GRIA4: variants seen among roughly 807,000 people sequenced by gnomAD.
GRIA4 encodes glutamate ionotropic receptor AMPA type subunit 4, also known as glutamate receptor 4.
Under a neutral mutation model 104.0 loss-of-function variants are expected in GRIA4, and 34 were observed. The observed-to-expected ratio is 0.33, with a 90% CI of 0.25 to 0.44. GRIA4 has a LOEUF of 0.44. Among genes scored for constraint, GRIA4 ranks in the 20% least tolerant of loss-of-function variants. The pLI, the probability that GRIA4 is intolerant of heterozygous loss-of-function variation, is 1.00. For missense variants in GRIA4, 750 were observed against 1,096.5 expected (o/e 0.68, Z 4.46); for synonymous variants, 386 against 381.9 (o/e 1.01, Z -0.13).
intron 3 of GRIA4, among the ~76,000 whole-genome samples, chr11:105,665,320 T>C (rs1018217122): frequency 2.0e-5 from 3 of 152,034 alleles, no homozygotes; most frequent in Non-Finnish European, 4.4e-5. Context: ...TTATGAGAAA[T>C]ATACTTTTAT....
At chr11:105,661,238 A>G (rs1951999496) in intron 3 of GRIA4, among the ~76,000 whole-genome samples, 1 of 151,648 alleles carries the variant, frequency 6.6e-6, no homozygotes, top group Non-Finnish European at 1.5e-5. Context: ...AGTTGTATTT[A>G]TATCTATTAC....
chr11:105,652,519 T>G (rs1951712583), intron 3 of GRIA4, among the ~76,000 whole-genome samples: 1 of 152,178 alleles, frequency 6.6e-6, no homozygotes, highest in Non-Finnish European at 1.5e-5. Context: ...ATGAAGAGAA[T>G]AGAGTAGCCA....
At chr11:105,978,208 C>T (rs1434582444) in intron 16 of GRIA4, among the ~76,000 whole-genome samples, 1 of 151,944 alleles carries the variant, frequency 6.6e-6, no homozygotes. Flanking sequence ...TACTGAGTGC[C>T]TATTATGTGC....
intron 5 of GRIA4, among the ~76,000 whole-genome samples, chr11:105,876,858 C>A (rs1452312689): frequency 6.6e-6 from 1 of 151,980 alleles, no homozygotes; most frequent in African/African-American, 2.4e-5. Flanking sequence ...GGGTCTTGAC[C>A]CTTTATCCAA....
At chr11:105,955,069 G>A (rs1206045312) in intron 14 of GRIA4, among the ~76,000 whole-genome samples, 4 of 151,620 alleles carry the variant, frequency 2.6e-5, no homozygotes, top group African/African-American at 7.3e-5. Flanking sequence ...TTTAATTAAG[G>A]GTGAGAATTG....
In GRIA4 at chr11:105,687,366, G is replaced by A. The variant is rs567738176; in HGVS notation, c.248-65615G>A. On this transcript the variant is annotated intron_variant, in intron 3 of 16. Coordinates refer to ENST00000282499, the MANE Select transcript of GRIA4 (RefSeq NM_000829.4). ...CAATGTTTATTATTATTATTAAATT[G>A]CCTAGTGCTCCTATGTGCCAGATTC... is the stretch of plus-strand genomic sequence containing the variant. Among the ~76,000 whole-genome samples, 309 of 152,272 alleles carry A rather than the reference G, an allele frequency of 2.0e-3. 1 individual carries two copies. Among genetic ancestry groups the A allele is most frequent in the Admixed American group, 4.1e-3 (63 of 15,294 alleles).
At chr11:105,793,071 C>G (rs1050826921) in intron 4 of GRIA4, among the ~76,000 whole-genome samples, 1 of 152,136 alleles carries the variant, frequency 6.6e-6, no homozygotes, top group African/African-American at 2.4e-5. Flanking sequence ...TGCCAGCAGG[C>G]TAATCTCATA....
At chr11:105,613,768 T>C (rs1018598379) in intron 3 of GRIA4, 4 of 152,152 alleles carry the variant, frequency 2.6e-5, no homozygotes, top group Non-Finnish European at 4.4e-5. Context: ...TTGAAGCATA[T>C]GTCACTTTTG....
At chr11:105,834,579 A>G (rs1307260580) in intron 4 of GRIA4, among the ~76,000 whole-genome samples, 2 of 152,096 alleles carry the variant, frequency 1.3e-5, no homozygotes, top group African/African-American at 4.8e-5. Flanking sequence ...TTTAAGGATA[A>G]GAGGACAGAA....
intron 3 of GRIA4, among the ~76,000 whole-genome samples, chr11:105,656,130 T>C (rs1031623825): frequency 4.6e-5 from 7 of 152,332 alleles, no homozygotes; most frequent in African/African-American, 1.7e-4. Context: ...ATAAATGTCT[T>C]CTTTTGAGAA....
chr11:105,746,609 A>G (rs1375149222), intron 3 of GRIA4, among the ~76,000 whole-genome samples: 2 of 152,152 alleles, frequency 1.3e-5, no homozygotes, highest in Non-Finnish European at 2.9e-5. Flanking sequence ...ACCTTAGACC[A>G]CAGCATCTTA....
At chr11:105,865,487 T>A (rs1945373339) in intron 5 of GRIA4, among the ~76,000 whole-genome samples, 2 of 152,200 alleles carry the variant, frequency 1.3e-5, no homozygotes, top group African/African-American at 4.8e-5. Context: ...TTGAAAGATA[T>A]TATAAATATC....
At chr11:105,866,755 G>A (rs1431002525) in intron 5 of GRIA4, among the ~76,000 whole-genome samples, 1 of 151,440 alleles carries the variant, frequency 6.6e-6, no homozygotes, top group Admixed American at 6.6e-5. Flanking sequence ...AGTGATAAAG[G>A]ATCTTACACT....
At chr11:105,904,296 T>A (rs1946966119) in intron 8 of GRIA4, among the ~76,000 whole-genome samples, 1 of 152,218 alleles carries the variant, frequency 6.6e-6, no homozygotes, top group African/African-American at 2.4e-5. Flanking sequence ...CTTGGCTAAT[T>A]GTAATCACTC....
intron 4 of GRIA4, among the ~76,000 whole-genome samples, chr11:105,810,914 T>G (rs906908172): frequency 2.6e-5 from 4 of 152,206 alleles, no homozygotes; most frequent in African/African-American, 7.2e-5. Context: ...TTAAGCATTT[T>G]TTTTAAAAAA....
chr11:105,859,308 G>A (rs182888180), intron 4 of GRIA4, among the ~76,000 whole-genome samples: 1 of 152,212 alleles, frequency 6.6e-6, no homozygotes, highest in Non-Finnish European at 1.5e-5. Context: ...GCAATGAAAG[G>A]ATGCCATTTA....
intron 14 of GRIA4, among the ~76,000 whole-genome samples, chr11:105,963,340 T>G (rs777976639): frequency 6.6e-6 from 1 of 152,098 alleles, no homozygotes; most frequent in Non-Finnish European, 1.5e-5. Context: ...ATGTTAAAGT[T>G]TAAATAGCAT....
At chr11:105,852,802 T>G (rs1277444922) in intron 4 of GRIA4, among the ~76,000 whole-genome samples, 1 of 125,090 alleles carries the variant, frequency 8.0e-6, no homozygotes, top group African/African-American at 2.8e-5. Flanking sequence ...TCTCCATAAT[T>G]GTATGCAAAT....
At chr11:105,858,754 T>A (rs1411261838) in intron 4 of GRIA4, among the ~76,000 whole-genome samples, 1 of 152,150 alleles carries the variant, frequency 6.6e-6, no homozygotes, top group Non-Finnish European at 1.5e-5. Context: ...AGTGAGAACA[T>A]GGGAAACTTG....
Sources: allele counts gnomAD v4.1 joint callset (sites outside exome capture counted in the v4.1 genomes callset), GRCh38; gene constraint gnomAD v4.1.1; transcripts MANE v1.5; gene names NCBI Gene and HGNC (gene_info 2026-07-23, HGNC 2026-07-21).